USH2A: variants seen among roughly 807,000 people sequenced by gnomAD.
USH2A encodes usherin.
A neutral mutation model predicts 538.9 loss-of-function variants in USH2A; 443 were observed. The observed-to-expected ratio is 0.82, with a 90% confidence interval of 0.76 to 0.89. USH2A has a LOEUF of 0.89. USH2A is among the 40% of genes least tolerant of loss of function. The pLI is 0.00. For missense variants in USH2A, 6,633 were observed against 6,324.8 expected, an observed-to-expected ratio of 1.05 and a Z score of -1.65; for synonymous variants, 2,413 against 2,273.5, an observed-to-expected ratio of 1.06 and a Z score of -1.75.
chr1:215,679,147 G>A (rs1270258872), intron 62 of USH2A, among the ~76,000 whole-genome samples: 1 of 152,230 alleles, frequency 6.6e-6, no homozygotes, highest in Non-Finnish European at 1.5e-5. Context: ...CAGAGAGGCA[G>A]CCCACAGGAT....
intron 11 of USH2A, among the ~76,000 whole-genome samples, chr1:216,281,865 GT>G (rs766030449): frequency 0.011 from 1,046 of 96,468 alleles, 4 homozygotes; most frequent in African/African-American, 0.039. Flanking sequence ...GTTTTTGTCT[GT>G]TTTTTTTTTT....
intron 58 of USH2A, among the ~76,000 whole-genome samples, chr1:215,753,956 G>A (rs1029314382): frequency 6.6e-6 from 1 of 152,202 alleles, no homozygotes; most frequent in Non-Finnish European, 1.5e-5. Flanking sequence ...GTCAAGAAAT[G>A]AAAAGTCGAT....
rs2038363602 is a variant in USH2A, at chr1:216,355,307, A to AAAG, written c.784+9645_784+9646insCTT. ...TGACAGAGTGAAAGACTCTGCTTCA[A>AAAG]AAAGAAAGAAAGAAAGAAAGAAAGA... On this transcript the variant is annotated intron_variant, in intron 4 of 71. Transcript: ENST00000307340. 6.8e-5 allele frequency among the ~76,000 whole-genome samples: 7 copies of AAAG among 103,408 alleles called. No individual in the cohort carries two copies. In the East Asian group the frequency reaches 7.9e-4, roughly 12 times the overall value. 67.8% of individuals were successfully genotyped at this position (103,408 alleles called of 152,430 possible).
intron 69 of USH2A, among the ~76,000 whole-genome samples, chr1:215,635,679 C>G (rs1656459336): frequency 1.3e-5 from 2 of 151,866 alleles, no homozygotes; most frequent in South Asian, 4.1e-4. Flanking sequence ...CCTCAGCCTC[C>G]CAAGTAGCTG....
At chr1:215,908,190 T>C (rs1396738233) in intron 38 of USH2A, among the ~76,000 whole-genome samples, 1 of 151,986 alleles carries the variant, frequency 6.6e-6, no homozygotes, top group Non-Finnish European at 1.5e-5. Context: ...GTTTCATACA[T>C]GTCCCTTTTG....
chr1:215,973,081 A>G lies in USH2A; in HGVS notation c.6806-2305T>C, dbSNP rs142719012. ...GAAGCAGTCAGTTGATCCTAAAAAAATCTTATGTACAAATAGTGTGTTACA... is the reference window on the plus strand; with the variant it reads ...GAAGCAGTCAGTTGATCCTAAAAAAGTCTTATGTACAAATAGTGTGTTACA... On this transcript the variant is annotated intron_variant, in intron 35 of 71. Coordinates refer to ENST00000307340, the MANE Select transcript of USH2A (RefSeq NM_206933.4). Among the ~76,000 whole-genome samples the G allele has an allele frequency of 7.6e-3, 1,159 of 152,290 alleles. 15 individuals are homozygous for G. Among genetic ancestry groups the G allele is most frequent in the African/African-American group, 0.027 (1,110 of 41,558 alleles).
At chr1:216,002,409 G>A (rs1027458872) in intron 32 of USH2A, among the ~76,000 whole-genome samples, 1 of 152,092 alleles carries the variant, frequency 6.6e-6, no homozygotes, top group Non-Finnish European at 1.5e-5. Context: ...CTGAAAAAGA[G>A]AAGCTGGGGA....
chr1:215,967,323 C>T (rs1256596323), intron 36 of USH2A, among the ~76,000 whole-genome samples: 2 of 152,058 alleles, frequency 1.3e-5, no homozygotes, highest in Non-Finnish European at 2.9e-5. Flanking sequence ...CGCCCGCCAC[C>T]ACATCCAGCT....
intron 9 of USH2A, among the ~76,000 whole-genome samples, chr1:216,317,474 T>A (rs916121566): frequency 6.6e-6 from 1 of 151,972 alleles, no homozygotes; most frequent in Admixed American, 6.6e-5. Context: ...GAGGGGATGA[T>A]CTATGCAACA....
chr1:215,745,017 T>C (rs757537572), intron 58 of USH2A, among the ~76,000 whole-genome samples: 3 of 152,200 alleles, frequency 2.0e-5, no homozygotes, highest in Non-Finnish European at 4.4e-5. Flanking sequence ...TGGATATTCC[T>C]CAGAGGCCAC....
intron 4 of USH2A, among the ~76,000 whole-genome samples, chr1:216,353,417 A>T (rs991219958): frequency 1.3e-5 from 2 of 152,182 alleles, no homozygotes; most frequent in African/African-American, 2.4e-5. Flanking sequence ...TTATAAAAAA[A>T]CATGTTTCAG....
chr1:215,994,381 T>G (rs1668085419), intron 34 of USH2A, among the ~76,000 whole-genome samples: 1 of 152,128 alleles, frequency 6.6e-6, no homozygotes, highest in Non-Finnish European at 1.5e-5. Flanking sequence ...CTGACTGATT[T>G]TTAGATTTTT....
rs186130945 is a variant in USH2A at position 216,421,303 on chromosome 1, A to G, written c.485+549T>C. Among the ~76,000 whole-genome samples, 21 of 152,246 alleles carry G rather than the reference A, an allele frequency of 1.4e-4. No homozygotes were observed. The East Asian group carries it at 4.1e-3, about 29-fold the overall frequency. On this transcript the variant is annotated intron_variant, in intron 2 of 71. Transcript: ENST00000307340. ...ACCACAAGATAAAGAACTAAAAGCTATATGTTTTTAGAGATGGAGGGTTAT... is the reference window on the plus strand; with the variant it reads ...ACCACAAGATAAAGAACTAAAAGCTGTATGTTTTTAGAGATGGAGGGTTAT...
intron 21 of USH2A, among the ~76,000 whole-genome samples, chr1:216,131,865 A>G (rs949432984): frequency 1.2e-4 from 19 of 152,204 alleles, no homozygotes; most frequent in African/African-American, 4.6e-4. Context: ...ATTTTATGTG[A>G]GGCACTCTTC....
At chr1:216,185,327 G>C (rs998631934) in intron 20 of USH2A, among the ~76,000 whole-genome samples, 4 of 151,748 alleles carry the variant, frequency 2.6e-5, no homozygotes, top group Non-Finnish European at 5.9e-5. Context: ...ATATTTAATT[G>C]AAAAAATGTT....
chr1:216,333,489 G>C (rs1329704536), intron 4 of USH2A, among the ~76,000 whole-genome samples: 1 of 151,992 alleles, frequency 6.6e-6, no homozygotes, highest in Non-Finnish European at 1.5e-5. Flanking sequence ...AAGAGTACCA[G>C]CATAGGCATA....
intron 55 of USH2A, among the ~76,000 whole-genome samples, chr1:215,771,167 A>G (rs932367521): frequency 5.9e-5 from 9 of 151,548 alleles, no homozygotes; most frequent in Admixed American, 1.3e-4. Context: ...GGTGAGGCCA[A>G]GGTTGGAACT....
At chr1:215,686,372 A>G (rs780414652) in intron 61 of USH2A, among the ~76,000 whole-genome samples, 3 of 152,058 alleles carry the variant, frequency 2.0e-5, no homozygotes, top group African/African-American at 7.2e-5. Flanking sequence ...CCAGGTCAGG[A>G]AAGATGTAGA....
chr1:216,139,573 A>G (rs2033560604), intron 21 of USH2A, among the ~76,000 whole-genome samples: 3 of 152,206 alleles, frequency 2.0e-5, no homozygotes, highest in African/African-American at 7.2e-5. Flanking sequence ...GAAAATAGAC[A>G]AAGCAAGAGC....
Sources: allele counts gnomAD v4.1 joint callset (sites outside exome capture counted in the v4.1 genomes callset), GRCh38; gene constraint gnomAD v4.1.1; transcripts MANE v1.5; gene names NCBI Gene and HGNC (gene_info 2026-07-23, HGNC 2026-07-21).